Variants in TMX2 observed in about 807,000 individuals in gnomAD.
TMX2 encodes the protein thioredoxin related transmembrane protein 2, also known as thioredoxin-related transmembrane protein 2.
In TMX2, 20 loss-of-function variants were observed where a neutral mutation model predicts 33.4. The observed-to-expected ratio is 0.60, with a 90% CI of 0.42 to 0.87. TMX2 has a LOEUF of 0.87. TMX2 is among the 40% of genes least tolerant of loss of function. TMX2 has a pLI of 0.00. For synonymous variants in TMX2, 166 were observed against 140.7 expected (o/e 1.18, Z -1.27); for missense variants, 340 against 370.7 (o/e 0.92, Z 0.68).
intron 1 of TMX2, among the ~76,000 whole-genome samples, chr11:57,728,358 T>A (rs1182053237): frequency 6.6e-6 from 1 of 152,150 alleles, no homozygotes; most frequent in African/African-American, 2.4e-5. Context: ...GAGATGGGGT[T>A]TCACTGTGAG....
rs376465123 is a variant in TMX2, at chr11:57,714,886, C to T, written c.189+2079C>T. On this transcript the variant is annotated intron_variant, in intron 1 of 7. Transcript: ENST00000278422. The stretch of plus-strand genomic sequence containing the variant: ...TGGGATTTACAGGTGTGAGCCACTG[C>T]GCCAAGCTAAAAAAGGCCGTTTTAA... 6.3e-4 allele frequency among the ~76,000 whole-genome samples: 95 copies of T among 151,800 alleles called. No homozygotes were observed. The South Asian group carries it at 0.015, about 24-fold the overall frequency.
chr11:57,732,814 C>T (rs570585921), intron 1 of TMX2, among the ~76,000 whole-genome samples: 1 of 152,094 alleles, frequency 6.6e-6, no homozygotes, highest in Admixed American at 6.6e-5. Context: ...ATCAGCTGAA[C>T]TTTCAGCCTG....
chr11:57,728,447 G>A (rs1948143406), intron 1 of TMX2, among the ~76,000 whole-genome samples: 1 of 152,142 alleles, frequency 6.6e-6, no homozygotes, highest in Non-Finnish European at 1.5e-5. Context: ...GGAGTTGCCC[G>A]AGACTGGAGG....
At chr11:57,718,598 G>T in intron 1 of TMX2, 5 of 467,362 alleles carry the variant, frequency 1.1e-5, no homozygotes, top group Non-Finnish European at 1.2e-5. Context: ...TATCTGTTTA[G>T]TTTTATCTAT....
At position 57,738,687 on chromosome 11, in the gene TMX2, G is replaced by A. The variant is rs1242443623; in HGVS notation, c.465G>A (p.Arg155=). 2 of 1,613,872 alleles carry A rather than the reference G, an allele frequency of 1.2e-6. No homozygotes were observed. The highest frequency in any genetic ancestry group is 1.3e-5 in the African/African-American group (1 of 74,982). The part of the protein sequence containing the change: ...TIDEELERDK[R]VTWIVEFFAN... ...AGGAGGAACTAGAACGGGACAAGAGGGTCACTTGGATTGTGGAGTTCTTTG... is the reference window on the plus strand; with the variant it reads ...AGGAGGAACTAGAACGGGACAAGAGAGTCACTTGGATTGTGGAGTTCTTTG... Residue 155 remains arginine (R), a synonymous_variant, in exon 5 of 8, where the codon AGG becomes AGA. Coordinates refer to ENST00000278422, the MANE Select transcript of TMX2 (RefSeq NM_015959.4).
At chr11:57,714,763 T>TA (rs1205409139) in intron 1 of TMX2, among the ~76,000 whole-genome samples, 1 of 152,080 alleles carries the variant, frequency 6.6e-6, no homozygotes, top group Non-Finnish European at 1.5e-5. Context: ...GGCTAATTTT[T>TA]AAAAATTTTT....
intron 7 of TMX2, 73 bp from the exon 8 acceptor site, chr11:57,740,026 A>ATACAAGTAAGAGGTATTT: frequency 1.2e-6 from 2 of 1,602,610 alleles, no homozygotes; most frequent in African/African-American, 1.3e-5. Context: ...TTTGTGTAAA[A>ATACAAGTAAGAGGTATTT]TACCTCTTAC....
At chr11:57,717,236 G>A (rs1947178437) in intron 1 of TMX2, among the ~76,000 whole-genome samples, 1 of 151,770 alleles carries the variant, frequency 6.6e-6, no homozygotes, top group Non-Finnish European at 1.5e-5. Context: ...GCCAGGCAGA[G>A]GGGCTCTTCA....
intron 1 of TMX2, among the ~76,000 whole-genome samples, chr11:57,717,672 C>T (rs959596375): frequency 4.0e-5 from 5 of 125,146 alleles, no homozygotes; most frequent in Admixed American, 9.4e-5. Context: ...AGCTTCGGCT[C>T]GGCATCAGAG....
chr11:57,720,481 C>T (rs575940889), intron 1 of TMX2, among the ~76,000 whole-genome samples: 1 of 152,372 alleles, frequency 6.6e-6, no homozygotes, highest in Admixed American at 6.5e-5. Context: ...CTACTCACTG[C>T]AACCTCTGCC....
chr11:57,738,842 CT>C, intron 5 of TMX2, 72 bp downstream of exon 5: 1 of 1,564,208 alleles, frequency 6.4e-7, no homozygotes. Flanking sequence ...TTTGGCTTTT[CT>C]TTTTCTTTTG....
chr11:57,721,622 G>A (rs879652344), intron 1 of TMX2, among the ~76,000 whole-genome samples: 1 of 151,996 alleles, frequency 6.6e-6, no homozygotes, highest in Non-Finnish European at 1.5e-5. Context: ...GGTCTAAAAT[G>A]TTTTTTAAAT....
intron 1 of TMX2, among the ~76,000 whole-genome samples, chr11:57,716,432 G>A (rs1249143516): frequency 7.6e-6 from 1 of 132,192 alleles, no homozygotes; most frequent in African/African-American, 2.8e-5. Context: ...GCGGCTGGCC[G>A]GGCGGGGGGC....
chr11:57,728,813 G>A (rs765826141), intron 1 of TMX2, among the ~76,000 whole-genome samples: 2 of 152,128 alleles, frequency 1.3e-5, no homozygotes, highest in Non-Finnish European at 2.9e-5. Flanking sequence ...GTGACTGGGG[G>A]CTTTGTGGGA....
chr11:57,733,707 A>G (rs919631749), intron 1 of TMX2, among the ~76,000 whole-genome samples: 2 of 152,216 alleles, frequency 1.3e-5, no homozygotes, highest in Admixed American at 1.3e-4. Context: ...TCATTCAATT[A>G]TCCTCTCTTC....
intron 1 of TMX2, among the ~76,000 whole-genome samples, chr11:57,729,161 G>A (rs917136559): frequency 3.3e-5 from 5 of 152,066 alleles, no homozygotes; most frequent in Non-Finnish European, 5.9e-5. Flanking sequence ...AGACTAAGGA[G>A]AAAATGAGGA....
At chr11:57,729,236 A>G (rs946054668) in intron 1 of TMX2, among the ~76,000 whole-genome samples, 3 of 152,314 alleles carry the variant, frequency 2.0e-5, no homozygotes, top group East Asian at 3.9e-4. Context: ...ATTGATATAA[A>G]ATGGAAGTAA....
intron 1 of TMX2, chr11:57,718,577 CCA>C: frequency 1.7e-6 from 1 of 603,792 alleles, no homozygotes. Context: ...GCCTCTTTGC[CCA>C]ACTTTTTATA....
chr11:57,713,311 C>T (rs569189999), intron 1 of TMX2, among the ~76,000 whole-genome samples: 167 of 152,296 alleles, frequency 1.1e-3, no homozygotes, highest in African/African-American at 3.5e-3. Flanking sequence ...ACCTGCACAA[C>T]ACTGTCAGCC....
Sources: gnomAD v4.1 joint callset for allele counts (sites outside exome capture counted in the v4.1 genomes callset) on GRCh38, gnomAD v4.1.1 for gene constraint, MANE v1.5 for transcripts, NCBI Gene and HGNC (gene_info 2026-07-23, HGNC 2026-07-21) for gene names.